ACAD10: variants seen among roughly 807,000 people sequenced by gnomAD.
ACAD10 encodes the protein acyl-CoA dehydrogenase family member 10.
A neutral mutation model predicts 116.8 loss-of-function variants in ACAD10; 112 were observed. The observed-to-expected ratio is 0.96, with a 90% CI of 0.82 to 1.12. The LOEUF is 1.12. Ranked by LOEUF, ACAD10 falls within the 50% of genes most tolerant of loss-of-function variation. ACAD10 has a pLI of 0.00. For synonymous variants in ACAD10, 486 were observed against 510.6 expected (o/e 0.95, Z 0.65); for missense variants, 1,259 against 1,350.2 (o/e 0.93, Z 1.06).
intron 1 of ACAD10, among the ~76,000 whole-genome samples, chr12:111,686,572 C>T (rs536266273): frequency 1.3e-5 from 2 of 152,216 alleles, no homozygotes; most frequent in Admixed American, 6.5e-5. Flanking sequence ...AAAAATTAGC[C>T]GGGCTTGGTG....
At chr12:111,726,069 C>T (rs543294208) in intron 8 of ACAD10, among the ~76,000 whole-genome samples, 3 of 151,926 alleles carry the variant, frequency 2.0e-5, no homozygotes, top group Admixed American at 6.5e-5. Context: ...GCCTGGCCAA[C>T]GTGGTGAAAC....
intron 8 of ACAD10, among the ~76,000 whole-genome samples, chr12:111,722,369 C>CTATTTATTTATTTATT (rs200521229): frequency 2.0e-5 from 3 of 150,544 alleles, no homozygotes; most frequent in African/African-American, 7.4e-5. Context: ...CGGCCCTAAA[C>CTATTTATTTATTTATT]TATTTATTTA....
chr12:111,724,454 G>A (rs1399926951), intron 8 of ACAD10, among the ~76,000 whole-genome samples: 7 of 152,298 alleles, frequency 4.6e-5, no homozygotes, highest in East Asian at 3.9e-4. Flanking sequence ...CAAGGCAGGC[G>A]GCTGGGAGGT....
At position 111,753,850 on chromosome 12, in the gene ACAD10, G is replaced by T. The variant is rs1566171433; in HGVS notation, c.2896G>T (p.Glu966Ter). Reference sequence around the variant, plus strand: ...GGCGGACATCGCGCAGTCGCGCGTGGAGATTGAGCAGGCACGGCTGCTGGT... The same window carrying T: ...GGCGGACATCGCGCAGTCGCGCGTGTAGATTGAGCAGGCACGGCTGCTGGT... ...VLADIAQSRV[E>*]IEQARLLVLR... is the part of the protein sequence containing the mutation. Residue 966 changes from glutamate to a stop codon, truncating the protein, a stop_gained, in exon 19 of 21, where the codon GAG (glutamate) becomes TAG (stop). Transcript: ENST00000313698. LOFTEE classifies it high-confidence loss of function. 6.2e-7 allele frequency: 1 copy of T among 1,613,922 alleles called. No individual in the cohort carries two copies. The highest frequency in any genetic ancestry group is 1.1e-5 in the South Asian group (1 of 91,080).
At chr12:111,730,233 T>G (rs531670349) in intron 10 of ACAD10, among the ~76,000 whole-genome samples, 54 of 152,088 alleles carry the variant, frequency 3.6e-4, no homozygotes, top group African/African-American at 1.3e-3. Context: ...CCCCACAGAG[T>G]GTGACAACCA....
chr12:111,737,469 G>A (rs1480353436), intron 12 of ACAD10, among the ~76,000 whole-genome samples: 4 of 152,188 alleles, frequency 2.6e-5, no homozygotes, highest in Non-Finnish European at 5.9e-5. Flanking sequence ...TTACAGGTGT[G>A]AGCCACCATG....
chr12:111,727,478 C>T (rs1268799673), intron 8 of ACAD10, among the ~76,000 whole-genome samples: 3 of 152,190 alleles, frequency 2.0e-5, no homozygotes, highest in South Asian at 2.1e-4. Flanking sequence ...GAGCCGAGAT[C>T]GCGCCACTGC....
At chr12:111,721,050 T>G (rs899740244) in intron 7 of ACAD10, among the ~76,000 whole-genome samples, 3 of 152,202 alleles carry the variant, frequency 2.0e-5, no homozygotes, top group African/African-American at 7.2e-5. Flanking sequence ...CCCAAAGTGC[T>G]GGGATTACAG....
intron 7 of ACAD10, among the ~76,000 whole-genome samples, chr12:111,720,237 T>C (rs979724911): frequency 6.6e-6 from 1 of 152,194 alleles, no homozygotes; most frequent in African/African-American, 2.4e-5. Flanking sequence ...GGCGAACATA[T>C]TGTGTTTACT....
At chr12:111,714,080 A>C (rs1888772201) in intron 6 of ACAD10, among the ~76,000 whole-genome samples, 1 of 151,956 alleles carries the variant, frequency 6.6e-6, no homozygotes, top group Non-Finnish European at 1.5e-5. Flanking sequence ...CCCCATCTCT[A>C]CTAAAAATAC....
chr12:111,734,143 T>G (rs1247261209), intron 11 of ACAD10, 75 bp downstream of exon 11: 1 of 1,597,484 alleles, frequency 6.3e-7, no homozygotes, highest in Admixed American at 1.7e-5. Flanking sequence ...TCAGCTGAAG[T>G]AGTCCGTGAT....
intron 7 of ACAD10, 43 bp downstream of exon 7, chr12:111,716,005 A>G (rs765458209): frequency 6.2e-7 from 1 of 1,612,330 alleles, no homozygotes; most frequent in South Asian, 1.1e-5. Context: ...ACTAGCCTCC[A>G]CTGTGCACAA....
chr12:111,715,470 C>T, intron 6 of ACAD10: 1 of 255,206 alleles, frequency 3.9e-6, no homozygotes, highest in Non-Finnish European at 7.8e-6. Flanking sequence ...AGATGGGTTG[C>T]CATGGCTGCG....
intron 8 of ACAD10, among the ~76,000 whole-genome samples, chr12:111,724,251 GC>G (rs1889145415): frequency 6.6e-6 from 1 of 151,342 alleles, no homozygotes; most frequent in Non-Finnish European, 1.5e-5. Context: ...TGTGATGGCG[GC>G]CGGGAAGAGG....
intron 7 of ACAD10, among the ~76,000 whole-genome samples, chr12:111,717,056 A>G (rs537996519): frequency 6.6e-6 from 1 of 152,176 alleles, no homozygotes; most frequent in East Asian, 1.9e-4. Context: ...CATCCTCACA[A>G]CTCTATGATA....
At chr12:111,726,991 T>C (rs1889232239) in intron 8 of ACAD10, among the ~76,000 whole-genome samples, 2 of 152,072 alleles carry the variant, frequency 1.3e-5, no homozygotes, top group African/African-American at 4.8e-5. Context: ...TTTGGGAGGC[T>C]GAGGCAGTCA....
intron 12 of ACAD10, among the ~76,000 whole-genome samples, chr12:111,740,487 C>A (rs558285107): frequency 7.2e-6 from 1 of 139,408 alleles, no homozygotes; most frequent in Admixed American, 7.4e-5. Context: ...AGGCCAGGTG[C>A]GGTGGCTCAT....
At chr12:111,748,631 A>C (rs990818136) in intron 17 of ACAD10, 156 bp downstream of exon 17, 4 of 801,502 alleles carry the variant, frequency 5.0e-6, no homozygotes, top group Non-Finnish European at 5.8e-6. Context: ...ATTTCCATAC[A>C]TGAATATCAA....
chr12:111,696,710 C>T (rs1447905458), intron 2 of ACAD10, among the ~76,000 whole-genome samples: 1 of 152,154 alleles, frequency 6.6e-6, no homozygotes, highest in Non-Finnish European at 1.5e-5. Flanking sequence ...ATAGCCCAAA[C>T]ATTTTAGTTT....
Sources: allele counts gnomAD v4.1 joint callset (sites outside exome capture counted in the v4.1 genomes callset), GRCh38; gene constraint gnomAD v4.1.1; transcripts MANE v1.5; gene names NCBI Gene and HGNC (gene_info 2026-07-23, HGNC 2026-07-21).